The following NXPH1 variants were observed in gnomAD, a reference collection of about 807,000 sequenced individuals.
NXPH1 encodes neurexophilin-1.
A neutral mutation model predicts 23.7 loss-of-function variants in NXPH1; 5 were observed. The observed-to-expected ratio is 0.21, with a 90% confidence interval of 0.11 to 0.44. The LOEUF is 0.44. Among genes scored for constraint, NXPH1 ranks in the 20% least tolerant of loss-of-function variants. NXPH1 has a pLI of 0.99. For missense variants in NXPH1, 324 were observed against 321.6 expected, an observed-to-expected ratio of 1.01 and a Z score of -0.06; for synonymous variants, 144 against 122.2, an observed-to-expected ratio of 1.18 and a Z score of -1.18.
intron 2 of NXPH1, among the ~76,000 whole-genome samples, chr7:8,537,668 A>G (rs2128618067): frequency 6.6e-6 from 1 of 151,966 alleles, no homozygotes; most frequent in Non-Finnish European, 1.5e-5. Flanking sequence ...TCAAGCACTA[A>G]ACTGGGAATT....
At chr7:8,468,150 T>C (rs1468273004) in intron 2 of NXPH1, among the ~76,000 whole-genome samples, 2 of 152,054 alleles carry the variant, frequency 1.3e-5, no homozygotes, top group African/African-American at 2.4e-5. Flanking sequence ...ATAGAATAAA[T>C]AATCAATATA....
chr7:8,640,255 G>T (rs1262737076), intron 2 of NXPH1, among the ~76,000 whole-genome samples: 2 of 151,864 alleles, frequency 1.3e-5, no homozygotes, highest in Non-Finnish European at 2.9e-5. Context: ...TGCTTCTAAA[G>T]TTTTAAAAAA....
At chr7:8,614,131 A>G (rs1462108847) in intron 2 of NXPH1, among the ~76,000 whole-genome samples, 2 of 151,744 alleles carry the variant, frequency 1.3e-5, no homozygotes, top group African/African-American at 4.8e-5. Context: ...TAATTATTGC[A>G]TAGTATTTCC....
At chr7:8,447,829 G>A (rs1212463733) in intron 2 of NXPH1, among the ~76,000 whole-genome samples, 2 of 152,198 alleles carry the variant, frequency 1.3e-5, no homozygotes, top group Non-Finnish European at 2.9e-5. Context: ...CGAACAAGTG[G>A]TTAAAAGTGT....
chr7:8,732,050 AT>A (rs777250452), intron 2 of NXPH1, among the ~76,000 whole-genome samples: 39 of 152,296 alleles, frequency 2.6e-4, no homozygotes, highest in African/African-American at 5.5e-4. Context: ...CTGGTGCGCC[AT>A]TTTTTAAGCC....
chr7:8,556,947 C>T (rs537212685), intron 2 of NXPH1, among the ~76,000 whole-genome samples: 22 of 151,748 alleles, frequency 1.4e-4, no homozygotes, highest in African/African-American at 4.6e-4. Flanking sequence ...GAAACAGATA[C>T]GATGAGGTAA....
intron 2 of NXPH1, among the ~76,000 whole-genome samples, chr7:8,597,449 G>A (rs1439193054): frequency 6.6e-6 from 1 of 152,064 alleles, no homozygotes; most frequent in Non-Finnish European, 1.5e-5. Flanking sequence ...CAGGCTTGGG[G>A]AAGATAGTGA....
chr7:8,610,352 C>T (rs935002204), intron 2 of NXPH1, among the ~76,000 whole-genome samples: 2 of 152,166 alleles, frequency 1.3e-5, no homozygotes, highest in African/African-American at 4.8e-5. Flanking sequence ...CACCTGTCAA[C>T]ATTCTCCCCT....
At chr7:8,516,664 C>T (rs1563333311) in intron 2 of NXPH1, among the ~76,000 whole-genome samples, 1 of 152,024 alleles carries the variant, frequency 6.6e-6, no homozygotes, top group Non-Finnish European at 1.5e-5. Flanking sequence ...TTATTCTTGC[C>T]TTTATTATAT....
At chr7:8,647,540 A>G (rs1820416116) in intron 2 of NXPH1, among the ~76,000 whole-genome samples, 1 of 152,026 alleles carries the variant, frequency 6.6e-6, no homozygotes, top group African/African-American at 2.4e-5. Context: ...TAATGTTTAT[A>G]TTCATGAGTG....
At chr7:8,684,619 A>G (rs1251224834) in intron 2 of NXPH1, among the ~76,000 whole-genome samples, 1 of 152,186 alleles carries the variant, frequency 6.6e-6, no homozygotes, top group Non-Finnish European at 1.5e-5. Flanking sequence ...CAGTAACTGC[A>G]AGAAGAGACT....
chr7:8,566,346 G>T (rs1818545791), intron 2 of NXPH1, among the ~76,000 whole-genome samples: 1 of 151,814 alleles, frequency 6.6e-6, no homozygotes, highest in African/African-American at 2.4e-5. Context: ...AGACTATGAT[G>T]ATTAATTTTA....
At chr7:8,691,738 G>T (rs137865431) in intron 2 of NXPH1, among the ~76,000 whole-genome samples, 1 of 152,126 alleles carries the variant, frequency 6.6e-6, no homozygotes, top group African/African-American at 2.4e-5. Context: ...AGGCATAGGG[G>T]TACAATGGTG....
intron 2 of NXPH1, among the ~76,000 whole-genome samples, chr7:8,635,147 A>C (rs1397709037): frequency 2.0e-5 from 3 of 152,186 alleles, no homozygotes; most frequent in Non-Finnish European, 4.4e-5. Flanking sequence ...GTGCTGAATA[A>C]GATTTGCAAG....
rs563579545 is a variant in NXPH1, at chr7:8,634,297, T to G, written c.55-116711T>G. ...TAAAGGGCGGTTCCCCTGCACATGT[T>G]CTCTTGCCTGCAGCCATGTAAGAGG... On this transcript the variant is annotated intron_variant, in intron 2 of 2. Coordinates refer to ENST00000405863, the MANE Select transcript of NXPH1 (RefSeq NM_152745.3). 3.9e-5 allele frequency among the ~76,000 whole-genome samples: 6 copies of G among 152,262 alleles called. No homozygotes were observed. The East Asian group carries it at 1.2e-3, about 29-fold the overall frequency.
At position 8,461,571 on chromosome 7, in the gene NXPH1, C is replaced by A. The variant is rs188566632; in HGVS notation, c.54+25804C>A. On this transcript the variant is annotated intron_variant, in intron 2 of 2. Transcript: ENST00000405863. ...CACGGCCGGGCGCGGTGGCTCACGC[C>A]TGTAATCCCAGCACTTTGGGAGGCC... 7.0e-3 allele frequency among the ~76,000 whole-genome samples: 1,063 copies of A among 152,094 alleles called. 9 individuals are homozygous for A. The highest frequency in any genetic ancestry group is 0.012 in the South Asian group (58 of 4,822).
chr7:8,544,442 A>G (rs957605634), intron 2 of NXPH1, among the ~76,000 whole-genome samples: 1 of 151,638 alleles, frequency 6.6e-6, no homozygotes, highest in Non-Finnish European at 1.5e-5. Flanking sequence ...ACTTACAGAC[A>G]AAGACATAGA....
At chr7:8,468,598 T>C (rs1252176851) in intron 2 of NXPH1, among the ~76,000 whole-genome samples, 1 of 152,104 alleles carries the variant, frequency 6.6e-6, no homozygotes, top group Non-Finnish European at 1.5e-5. Flanking sequence ...CAGGAAACTA[T>C]GGCCTGGGAT....
chr7:8,507,083 G>C (rs78792847), intron 2 of NXPH1, among the ~76,000 whole-genome samples: 21,572 of 151,128 alleles, frequency 0.14, 1,932 homozygotes, highest in East Asian at 0.2. Flanking sequence ...TCAGGTGAGA[G>C]ACAATGGGCT....
Sources: allele counts gnomAD v4.1 joint callset (sites outside exome capture counted in the v4.1 genomes callset), GRCh38; gene constraint gnomAD v4.1.1; transcripts MANE v1.5; gene names NCBI Gene and HGNC (gene_info 2026-07-23, HGNC 2026-07-21).